CEP83: variants seen among roughly 807,000 people sequenced by gnomAD.
CEP83 encodes centrosomal protein of 83 kDa.
CEP83 carries 70 observed loss-of-function variants against 101.9 expected under a neutral mutation model. The observed-to-expected ratio is 0.69, with a 90% CI of 0.57 to 0.84. CEP83 has a LOEUF of 0.84. CEP83 is among the 40% of genes least tolerant of loss of function. The pLI is 0.00. For missense variants in CEP83, 715 were observed against 787.2 expected (o/e 0.91, Z 1.10); for synonymous variants, 264 against 267.9 (o/e 0.99, Z 0.14).
intron 4 of CEP83, among the ~76,000 whole-genome samples, chr12:94,410,587 C>A (rs1405609529): frequency 6.6e-6 from 1 of 152,144 alleles, no homozygotes; most frequent in Non-Finnish European, 1.5e-5. Flanking sequence ...TTAGATGTCA[C>A]TCTCATGAAA....
At chr12:94,297,302 T>C in the CEP83 span, 110 of 1,613,100 alleles carry the variant, frequency 6.8e-5, no homozygotes, top group African/African-American at 1.4e-3. Flanking sequence ...ACGCTTCTGC[T>C]GTCTTCCCTT....
At chr12:94,304,279 T>G (rs1968780900), downstream of CEP83, 2 of 410,840 alleles carry the variant, frequency 4.9e-6, no homozygotes, top group Non-Finnish European at 8.7e-6. Flanking sequence ...AATTTACATT[T>G]GAGTTCATGG....
At chr12:94,283,687 G>C in the CEP83 span, among the ~76,000 whole-genome samples, 3 of 152,182 alleles carry the variant, frequency 2.0e-5, no homozygotes, top group South Asian at 6.2e-4. Context: ...GAAATCATAG[G>C]AAGTCAAAGC....
chr12:94,324,405 G>A (rs1476326557), intron 14 of CEP83, among the ~76,000 whole-genome samples: 1 of 152,116 alleles, frequency 6.6e-6, no homozygotes, highest in South Asian at 2.1e-4. Context: ...TGATTAATTA[G>A]CATAATAGTT....
chr12:94,287,947 G>T, the CEP83 span, among the ~76,000 whole-genome samples: 1 of 152,230 alleles, frequency 6.6e-6, no homozygotes, highest in African/African-American at 2.4e-5. Context: ...GGCCCAGGGA[G>T]GCTAAGAAAC....
the CEP83 span, among the ~76,000 whole-genome samples, chr12:94,268,421 A>G: frequency 3.3e-5 from 5 of 151,996 alleles, no homozygotes; most frequent in African/African-American, 1.2e-4. Flanking sequence ...ATCCTTCTCT[A>G]TCAAGCATTC....
At chr12:94,449,924 G>A (rs1258419408) in intron 1 of CEP83, among the ~76,000 whole-genome samples, 1 of 150,200 alleles carries the variant, frequency 6.7e-6, no homozygotes, top group African/African-American at 2.5e-5. Context: ...CATATCATCA[G>A]ATGCAGGAAA....
At chr12:94,443,873 A>G (rs2066604149) in intron 1 of CEP83, among the ~76,000 whole-genome samples, 1 of 152,206 alleles carries the variant, frequency 6.6e-6, no homozygotes, top group East Asian at 1.9e-4. Context: ...AAGAAACTAT[A>G]AATTCCTCAA....
chr12:94,344,280 T>C (rs1363378930), intron 11 of CEP83, among the ~76,000 whole-genome samples: 1 of 152,202 alleles, frequency 6.6e-6, no homozygotes, highest in African/African-American at 2.4e-5. Flanking sequence ...TAAAACACTA[T>C]ATAATTTATG....
At chr12:94,412,910 T>C (rs1343915582) in intron 2 of CEP83, among the ~76,000 whole-genome samples, 1 of 151,640 alleles carries the variant, frequency 6.6e-6, no homozygotes, top group Admixed American at 6.6e-5. Flanking sequence ...TGGAGTACAG[T>C]GGCGCTATCT....
chr12:94,446,154 C>T (rs2066783835), intron 1 of CEP83, among the ~76,000 whole-genome samples: 1 of 152,186 alleles, frequency 6.6e-6, no homozygotes, highest in African/African-American at 2.4e-5. Flanking sequence ...TGACCATTGT[C>T]ACTCACTGGT....
intron 1 of CEP83, among the ~76,000 whole-genome samples, chr12:94,450,021 G>A (rs900910022): frequency 1.4e-4 from 21 of 152,010 alleles, no homozygotes; most frequent in Admixed American, 2.0e-4. Flanking sequence ...CTTCTTCAAA[G>A]GGCATCTATA....
chr12:94,279,789 A>G, the CEP83 span: 6 of 791,036 alleles, frequency 7.6e-6, no homozygotes, highest in Admixed American at 1.0e-4. Flanking sequence ...CCTGGAGGGC[A>G]TGTCTAGGGG....
intron 4 of CEP83, among the ~76,000 whole-genome samples, chr12:94,408,302 G>A (rs1474790460): frequency 2.0e-5 from 3 of 151,984 alleles, no homozygotes; most frequent in South Asian, 2.1e-4. Flanking sequence ...ACTTTAAGGC[G>A]GCAAATACTG....
chr12:94,370,066 T>A, intron 8 of CEP83, 30 bp from the exon 9 acceptor site: 2 of 1,298,112 alleles, frequency 1.5e-6, no homozygotes, highest in African/African-American at 1.5e-5. Flanking sequence ...GAAATTACTA[T>A]TGGTCATTTT....
intron 14 of CEP83, among the ~76,000 whole-genome samples, chr12:94,330,746 G>A (rs998518650): frequency 3.9e-5 from 6 of 152,156 alleles, no homozygotes; most frequent in African/African-American, 1.4e-4. Context: ...TAATTTAACT[G>A]GAGAATGTGT....
intron 1 of CEP83, among the ~76,000 whole-genome samples, chr12:94,455,205 C>T (rs775761166): frequency 3.9e-5 from 6 of 152,178 alleles, no homozygotes; most frequent in Non-Finnish European, 8.8e-5. Flanking sequence ...TAAAAAATAT[C>T]CTTAAGAGCA....
chr12:94,274,563 A>T, the CEP83 span, among the ~76,000 whole-genome samples: 3 of 152,218 alleles, frequency 2.0e-5, no homozygotes, highest in Non-Finnish European at 4.4e-5. Context: ...CCAAGGAAAT[A>T]GGAAGAGGCA....
At chr12:94,279,659 T>C in the CEP83 span, 1 of 1,613,568 alleles carries the variant, frequency 6.2e-7, no homozygotes. Context: ...GGTAAGGCGG[T>C]GCGGGAGCTA....
Sources: allele counts gnomAD v4.1 joint callset (sites outside exome capture counted in the v4.1 genomes callset), GRCh38; gene constraint gnomAD v4.1.1; transcripts MANE v1.5; gene names NCBI Gene and HGNC (gene_info 2026-07-23, HGNC 2026-07-21).